Variants in CADPS observed in about 807,000 individuals in gnomAD.
The protein encoded by CADPS is calcium-dependent secretion activator 1.
A neutral mutation model predicts 167.3 loss-of-function variants in CADPS; 57 were observed. That is an observed-to-expected ratio of 0.34 (90% CI 0.28 to 0.42). The LOEUF is 0.42. CADPS is among the 20% of genes least tolerant of loss of function. The pLI, the probability that CADPS is intolerant of heterozygous loss-of-function variation, is 1.00. For synonymous variants in CADPS, 676 were observed against 635.3 expected, an observed-to-expected ratio of 1.06 and a Z score of -0.96; for missense variants, 1,414 against 1,738.1, an observed-to-expected ratio of 0.81 and a Z score of 3.32.
chr3:62,636,548 C>T (rs1390635613), intron 6 of CADPS, among the ~76,000 whole-genome samples: 9 of 152,316 alleles, frequency 5.9e-5, no homozygotes, highest in African/African-American at 1.9e-4. Context: ...TGGCATCATG[C>T]CAAGATGCTG....
At chr3:62,833,331 T>C (rs1482574425) in intron 1 of CADPS, among the ~76,000 whole-genome samples, 1 of 151,748 alleles carries the variant, frequency 6.6e-6, no homozygotes, top group African/African-American at 2.4e-5. Context: ...TTTAAAAAAA[T>C]TGTAATAGAG....
chr3:62,409,854 C>T (rs2149217129), intron 28 of CADPS, among the ~76,000 whole-genome samples: 1 of 152,248 alleles, frequency 6.6e-6, no homozygotes. Flanking sequence ...GGGGAAAAAA[C>T]TGTCTCATGT....
At chr3:62,572,019 A>G (rs2081380046) in intron 8 of CADPS, among the ~76,000 whole-genome samples, 7 of 152,188 alleles carry the variant, frequency 4.6e-5, no homozygotes. Flanking sequence ...AATACATTCA[A>G]ATACCGAGTT....
chr3:62,591,552 T>C (rs1053915624), intron 7 of CADPS, among the ~76,000 whole-genome samples: 2 of 152,030 alleles, frequency 1.3e-5, no homozygotes, highest in Non-Finnish European at 2.9e-5. Context: ...CGGGGAGGAA[T>C]GTGGCAGCAG....
intron 1 of CADPS, among the ~76,000 whole-genome samples, chr3:62,786,963 C>A (rs2092498440): frequency 6.6e-6 from 1 of 151,998 alleles, no homozygotes; most frequent in African/African-American, 2.4e-5. Context: ...AAGGATATTT[C>A]TGAGGCATCT....
intron 3 of CADPS, among the ~76,000 whole-genome samples, chr3:62,665,764 G>A (rs2074290093): frequency 6.6e-6 from 1 of 152,150 alleles, no homozygotes; most frequent in Non-Finnish European, 1.5e-5. Flanking sequence ...TCCTGGTTGT[G>A]CCACTTAGTA....
At chr3:62,847,904 A>G (rs2077790264) in intron 1 of CADPS, among the ~76,000 whole-genome samples, 1 of 38,976 alleles carries the variant, frequency 2.6e-5, no homozygotes, top group Non-Finnish European at 4.3e-5. Context: ...AACAGTGTAA[A>G]AGTGTTCCTA....
intron 3 of CADPS, among the ~76,000 whole-genome samples, chr3:62,678,897 C>T (rs1021566022): frequency 2.0e-5 from 3 of 151,984 alleles, no homozygotes; most frequent in Non-Finnish European, 4.4e-5. Context: ...ATTCCAATGA[C>T]TTTCCTCACC....
intron 1 of CADPS, among the ~76,000 whole-genome samples, chr3:62,821,612 A>G (rs181132834): frequency 2.0e-5 from 3 of 152,180 alleles, no homozygotes; most frequent in Non-Finnish European, 4.4e-5. Flanking sequence ...CTGTGTCAAA[A>G]TTTACCTCAT....
chr3:62,649,521 AG>A (rs1303866492), intron 5 of CADPS, among the ~76,000 whole-genome samples: 1 of 139,686 alleles, frequency 7.2e-6, no homozygotes, highest in Non-Finnish European at 1.5e-5. Flanking sequence ...TTTTATATCA[AG>A]GGAATCATAC....
At chr3:62,563,706 CCT>C (rs1417993273) in intron 9 of CADPS, among the ~76,000 whole-genome samples, 1 of 151,978 alleles carries the variant, frequency 6.6e-6, no homozygotes, top group East Asian at 1.9e-4. Context: ...ACCCTTTCCC[CCT>C]GAGTCCCCAA....
At chr3:62,861,983 C>T (rs9840314) in intron 1 of CADPS, among the ~76,000 whole-genome samples, 2 of 151,826 alleles carry the variant, frequency 1.3e-5, no homozygotes, top group Admixed American at 1.3e-4. Flanking sequence ...CTTCTTCCAC[C>T]CAGCCTGGCC....
At chr3:62,444,369 T>C (rs1157223951) in intron 27 of CADPS, among the ~76,000 whole-genome samples, 1 of 152,206 alleles carries the variant, frequency 6.6e-6, no homozygotes, top group Non-Finnish European at 1.5e-5. Context: ...GTGCCAGGTA[T>C]GGTGCTGGAT....
intron 6 of CADPS, among the ~76,000 whole-genome samples, chr3:62,628,693 C>T (rs1026248476): frequency 1.6e-4 from 24 of 150,222 alleles, no homozygotes; most frequent in African/African-American, 4.9e-4. Flanking sequence ...GTAGTGCAAT[C>T]TTGGCTCACT....
intron 1 of CADPS, among the ~76,000 whole-genome samples, chr3:62,873,828 G>T (rs2083110954): frequency 6.6e-6 from 1 of 152,126 alleles, no homozygotes. Flanking sequence ...GTCAAAGACA[G>T]GACGGCGGAG....
chr3:62,605,811 T>C (rs2060618720), intron 6 of CADPS, among the ~76,000 whole-genome samples: 1 of 152,236 alleles, frequency 6.6e-6, no homozygotes, highest in Non-Finnish European at 1.5e-5. Flanking sequence ...CAGTGACATC[T>C]CAAAGATGCA....
Position 62,514,382 on chromosome 3 carries a change from T to A in CADPS, c.2582-1614A>T, listed in dbSNP as rs2068512890. ...CACTTTTGCAGAGGTCACATTAAAGTGGCTGAGCCAATCACGGACAAGGAA... is the reference window on the plus strand; with the variant it reads ...CACTTTTGCAGAGGTCACATTAAAGAGGCTGAGCCAATCACGGACAAGGAA... On this transcript the variant is annotated intron_variant, in intron 16 of 29. Coordinates refer to ENST00000383710, the MANE Select transcript of CADPS (RefSeq NM_003716.4). The surrounding 1 kb of genome is among the most constrained non-coding windows in gnomAD (Gnocchi z 4.2). Among the ~76,000 whole-genome samples the A allele has an allele frequency of 6.6e-6, 1 of 151,936 alleles. No homozygotes were observed. Among genetic ancestry groups the A allele is most frequent in the Admixed American group, 6.6e-5 (1 of 15,242 alleles).
At chr3:62,695,904 C>T (rs902669774) in intron 3 of CADPS, among the ~76,000 whole-genome samples, 1 of 152,110 alleles carries the variant, frequency 6.6e-6, no homozygotes, top group Non-Finnish European at 1.5e-5. Flanking sequence ...TCTGCAACTT[C>T]AAGTTAGTAT....
chr3:62,847,150 T>C (rs2077593737), intron 1 of CADPS, among the ~76,000 whole-genome samples: 2 of 152,182 alleles, frequency 1.3e-5, no homozygotes, highest in Admixed American at 1.3e-4. Context: ...TTGATGACTT[T>C]GTTAATTTTT....
Sources: gnomAD v4.1 joint callset for allele counts (sites outside exome capture counted in the v4.1 genomes callset) on GRCh38, gnomAD v4.1.1 for gene constraint, Gnocchi (gnomAD v3.1) non-coding constraint, MANE v1.5 for transcripts, NCBI Gene and HGNC (gene_info 2026-07-23, HGNC 2026-07-21) for gene names.